The following FUS variants were observed in gnomAD, a reference collection of about 807,000 sequenced individuals.
FUS encodes FUS RNA binding protein, also known as RNA-binding protein FUS.
In FUS, 5 loss-of-function variants were observed where a neutral mutation model predicts 82.7. The observed-to-expected ratio is 0.06, with a 90% CI of 0.03 to 0.13. The LOEUF (loss-of-function observed/expected upper bound fraction) is 0.13. Among genes scored for constraint, FUS ranks in the 10% least tolerant of loss-of-function variants. FUS has a pLI of 1.00. For synonymous variants in FUS, 281 were observed against 247.4 expected, an observed-to-expected ratio of 1.14 and a Z score of -1.27; for missense variants, 512 against 707.8, an observed-to-expected ratio of 0.72 and a Z score of 3.14.
chr16:31,189,608 TGGAAAG>T, intron 9 of FUS, 51 bp from the exon 10 acceptor site: 6 of 1,612,268 alleles, frequency 3.7e-6, no homozygotes, highest in South Asian at 1.1e-5. Flanking sequence ...AGGAAGAAGA[TGGAAAG>T]GGAGTACTGT....
chr16:31,190,501 C>A, intron 12 of FUS, 103 bp downstream of exon 12: 1 of 1,550,214 alleles, frequency 6.5e-7, no homozygotes, highest in Non-Finnish European at 8.9e-7. Flanking sequence ...AATGTCAAGG[C>A]CACACTGTTG....
Position 31,180,196 on chromosome 16 carries a change from TGTGCGCGC to T in FUS, c.-11_-4del, listed in dbSNP as rs774232499. On this transcript the variant is annotated 5_prime_UTR_variant, in exon 1 of 15. Transcript: ENST00000254108. Reference sequence around the variant, plus strand: ...GTTGGAACTTCGTTGCTTGCTTGCCTGTGCGCGCGTGCGCGGACATGGCCTCAAACGGT... The same window carrying T: ...GTTGGAACTTCGTTGCTTGCTTGCCTGTGCGCGGACATGGCCTCAAACGGT... 40 of 1,610,756 alleles carry T rather than the reference TGTGCGCGC, an allele frequency of 2.5e-5. No individual in the cohort carries two copies. Among genetic ancestry groups the T allele is most frequent in the Non-Finnish European group, 2.5e-5 (30 of 1,178,622 alleles).
intron 5 of FUS, 21 bp downstream of exon 5, chr16:31,184,417 T>C: frequency 6.3e-7 from 1 of 1,597,654 alleles, no homozygotes; most frequent in Non-Finnish European, 8.6e-7. Context: ...TTCAGCTTTG[T>C]CTGCAGCCCA....
intron 3 of FUS, chr16:31,183,265 C>T (rs941618947): frequency 1.2e-5 from 2 of 173,178 alleles, no homozygotes; most frequent in African/African-American, 4.8e-5. Context: ...TGTTGAGGCC[C>T]CATCTCAAAA....
At chr16:31,194,191 G>T, downstream of FUS, 1 of 530,426 alleles carries the variant, frequency 1.9e-6, no homozygotes, top group Non-Finnish European at 3.6e-6. Context: ...TGTCAGTGGT[G>T]GGTAGATTGA....
chr16:31,190,187 G>A, intron 11 of FUS, 46 bp downstream of exon 11: 9 of 1,613,878 alleles, frequency 5.6e-6, no homozygotes, highest in Non-Finnish European at 7.6e-6. Context: ...TGGGGAGAGT[G>A]CAGAAGATGG....
chr16:31,191,594 ATTTTAGTTAAATTTTG>A (rs2079362221), exon 15 of FUS: 1 of 841,426 alleles, frequency 1.2e-6, no homozygotes, highest in Non-Finnish European at 2.0e-6. Flanking sequence ...AAAAGTGACC[ATTTTAGTTAAATTTTG>A]TTCCTCTTCC....
downstream of FUS, chr16:31,192,272 C>T: frequency 1.9e-6 from 1 of 526,070 alleles, no homozygotes; most frequent in Non-Finnish European, 3.7e-6. Flanking sequence ...GAAGGCCCTC[C>T]TAAGGGAATG....
In FUS at chr16:31,184,316, G is replaced by A; in HGVS notation, c.443G>A (p.Ser148Asn). 2 of 1,614,176 alleles carry A rather than the reference G, an allele frequency of 1.2e-6. No individual in the cohort carries two copies. ...CAGCAAAGCTATGGACAGCAGCAAA[G>A]CTATAATCCCCCTCAGGGCTATGGA... ...GQQQSYGQQQ[S>N]YNPPQGYGQQ... Residue 148 changes from serine to asparagine, a missense_variant, in exon 5 of 15, where the codon AGC (serine) becomes AAC (asparagine). Ser to Asn is a conservative substitution (Grantham distance 46). Around this residue, in one of 6 missense-constraint regions of FUS, gnomAD observed 276 missense variants for 303.3 expected, o/e 0.91. Coordinates refer to ENST00000254108, the MANE Select transcript of FUS (RefSeq NM_004960.4).
intron 9 of FUS, 135 bp downstream of exon 9, chr16:31,189,361 G>T (rs2079317806): frequency 1.2e-6 from 1 of 836,176 alleles, no homozygotes; most frequent in East Asian, 2.5e-5. Flanking sequence ...TTAATTTGTT[G>T]AGGAAAGAGC....
chr16:31,183,384 T>C (rs1263431012), intron 3 of FUS: 1 of 173,552 alleles, frequency 5.8e-6, no homozygotes, highest in Non-Finnish European at 1.3e-5. Context: ...TCCATCAGCA[T>C]GAAAGAGAGC....
downstream of FUS, chr16:31,193,955 C>CT (rs1387557392): frequency 1.3e-5 from 7 of 531,234 alleles, no homozygotes; most frequent in Admixed American, 1.6e-4. Context: ...CCAGAATACT[C>CT]TATTCTTACT....
At chr16:31,191,293 A>G in intron 14 of FUS, 106 bp from the exon 15 acceptor site, 1 of 1,513,198 alleles carries the variant, frequency 6.6e-7, no homozygotes, top group South Asian at 1.1e-5. Context: ...CACTTGAGAT[A>G]AGATACTCGC....
At chr16:31,193,920 C>A (rs1194337812), downstream of FUS, 2 of 529,026 alleles carry the variant, frequency 3.8e-6, no homozygotes, top group East Asian at 8.0e-5. Context: ...GTGCTGGGAT[C>A]ACAGGTGTGA....
At chr16:31,188,972 T>C in intron 8 of FUS, 151 bp from the exon 9 acceptor site, 1 of 689,822 alleles carries the variant, frequency 1.4e-6, no homozygotes, top group South Asian at 1.6e-5. Context: ...GGCTGGCATA[T>C]AGGGACTCAA....
intron 1 of FUS, 142 bp downstream of exon 1, chr16:31,180,369 A>C (rs570095184): frequency 9.2e-7 from 1 of 1,085,400 alleles, no homozygotes; most frequent in South Asian, 1.3e-5. Flanking sequence ...GGAGAAGAGT[A>C]ACTGGAGGAG....
At chr16:31,185,861 C>T (rs1010943440) in intron 6 of FUS, 18 of 264,596 alleles carry the variant, frequency 6.8e-5, no homozygotes, top group African/African-American at 3.9e-4. Context: ...TTCCTTCCTG[C>T]TGAAGTTGAT....
intron 6 of FUS, chr16:31,186,542 A>G (rs1177572102): frequency 1.1e-5 from 6 of 554,866 alleles, no homozygotes; most frequent in Middle Eastern, 4.8e-4. Context: ...AAAATGGGTT[A>G]TTTTTTTTCC....
At chr16:31,182,775 G>T in intron 3 of FUS, 111 bp downstream of exon 3, 1 of 1,356,460 alleles carries the variant, frequency 7.4e-7, no homozygotes, top group South Asian at 1.2e-5. Flanking sequence ...GGAGTGCAGT[G>T]GTGCTGTCTC....
Sources: gnomAD v4.1 joint callset for allele counts on GRCh38, gnomAD v4.1.1 for gene constraint, gnomAD v4.1.1 regional missense constraint, MANE v1.5 for transcripts, NCBI Gene and HGNC (gene_info 2026-07-23, HGNC 2026-07-21) for gene names.